ITFG1: variants seen among roughly 807,000 people sequenced by gnomAD.
The protein encoded by ITFG1 is T-cell immunomodulatory protein.
Under a neutral mutation model 81.8 loss-of-function variants are expected in ITFG1, and 34 were observed. That is an observed-to-expected ratio of 0.42 (90% confidence interval 0.32 to 0.55). The LOEUF (loss-of-function observed/expected upper bound fraction) is 0.55. ITFG1 is among the 20% of genes least tolerant of loss of function. The pLI is 0.17. For missense variants in ITFG1, 672 were observed against 755.4 expected, an observed-to-expected ratio of 0.89 and a Z score of 1.29; for synonymous variants, 285 against 270.6, an observed-to-expected ratio of 1.05 and a Z score of -0.52.
At chr16:47,198,075 T>C (rs1293410403) in intron 14 of ITFG1, among the ~76,000 whole-genome samples, 1 of 152,198 alleles carries the variant, frequency 6.6e-6, no homozygotes, top group African/African-American at 2.4e-5. Flanking sequence ...GAAAACAAAA[T>C]ATTGGTTCTG....
chr16:47,176,962 T>G (rs1047725616), intron 14 of ITFG1, among the ~76,000 whole-genome samples: 5 of 151,472 alleles, frequency 3.3e-5, no homozygotes, highest in Admixed American at 6.6e-5. Flanking sequence ...TCTTTTTTTT[T>G]TTTTTTTTTA....
chr16:47,162,698 A>T, intron 14 of ITFG1, 34 bp from the exon 15 acceptor site: 1 of 1,554,680 alleles, frequency 6.4e-7, no homozygotes. Flanking sequence ...AATTAAAAAC[A>T]TCTCTGGAAA....
intron 14 of ITFG1, among the ~76,000 whole-genome samples, chr16:47,184,002 GGAGCCGATGC>G: frequency 6.6e-6 from 1 of 152,316 alleles, no homozygotes; most frequent in East Asian, 1.9e-4. Flanking sequence ...AGAAGCCTCA[GGAGCCGATGC>G]GATCAACTGG....
At chr16:47,279,144 G>C (rs1289254282) in intron 10 of ITFG1, among the ~76,000 whole-genome samples, 1 of 152,076 alleles carries the variant, frequency 6.6e-6, no homozygotes, top group Non-Finnish European at 1.5e-5. Context: ...TTTGATAAAG[G>C]TCAACTTATC....
At chr16:47,396,293 A>G (rs1323327703) in intron 6 of ITFG1, 1 of 271,386 alleles carries the variant, frequency 3.7e-6, no homozygotes, top group Non-Finnish European at 5.6e-6. Context: ...CTCCAATGGG[A>G]GCAAAAGGGA....
At chr16:47,293,030 A>C (rs774476615) in intron 10 of ITFG1, among the ~76,000 whole-genome samples, 20 of 148,682 alleles carry the variant, frequency 1.3e-4, no homozygotes, top group African/African-American at 1.5e-4. Context: ...CTCTCTCTAT[A>C]TATATATGAT....
At chr16:47,427,439 C>T (rs1052247804) in intron 6 of ITFG1, among the ~76,000 whole-genome samples, 1 of 152,068 alleles carries the variant, frequency 6.6e-6, no homozygotes, top group Non-Finnish European at 1.5e-5. Flanking sequence ...GGTGAATTGC[C>T]TGAGCTCTGG....
intron 6 of ITFG1, among the ~76,000 whole-genome samples, chr16:47,426,859 A>G (rs1307472785): frequency 6.6e-6 from 1 of 152,198 alleles, no homozygotes; most frequent in Non-Finnish European, 1.5e-5. Context: ...ACTTTTAAAG[A>G]AAATAAGTTT....
At chr16:47,453,465 T>C (rs1490965844) in intron 3 of ITFG1, among the ~76,000 whole-genome samples, 1 of 152,208 alleles carries the variant, frequency 6.6e-6, no homozygotes, top group East Asian at 1.9e-4. Flanking sequence ...TCTGAGATGC[T>C]GAATAAAAGT....
At chr16:47,358,987 G>T (rs1968075372) in intron 8 of ITFG1, among the ~76,000 whole-genome samples, 1 of 152,062 alleles carries the variant, frequency 6.6e-6, no homozygotes, top group Non-Finnish European at 1.5e-5. Flanking sequence ...AAATAGAGTG[G>T]TCAGGGAAGG....
intron 12 of ITFG1, among the ~76,000 whole-genome samples, chr16:47,244,196 T>C (rs2151536203): frequency 6.6e-6 from 1 of 152,346 alleles, no homozygotes; most frequent in Middle Eastern, 3.4e-3. Context: ...ATACCTTTTA[T>C]AATAAGCAGG....
intron 10 of ITFG1, among the ~76,000 whole-genome samples, chr16:47,264,640 G>A (rs993808929): frequency 1.3e-5 from 2 of 151,216 alleles, no homozygotes; most frequent in Non-Finnish European, 2.9e-5. Flanking sequence ...AGAAATTCCA[G>A]ATGACAGTCA....
At chr16:47,289,036 TA>T (rs1567446922) in intron 10 of ITFG1, among the ~76,000 whole-genome samples, 2 of 152,228 alleles carry the variant, frequency 1.3e-5, no homozygotes, top group African/African-American at 4.8e-5. Context: ...CTTCTGTACC[TA>T]AATTATTGAG....
At chr16:47,421,270 G>GCACACACACACACACACA (rs58232411) in intron 6 of ITFG1, among the ~76,000 whole-genome samples, 2 of 129,956 alleles carry the variant, frequency 1.5e-5, no homozygotes, top group African/African-American at 5.7e-5. Flanking sequence ...ACATACATAT[G>GCACACACACACACACACA]CACACACACA....
intron 3 of ITFG1, among the ~76,000 whole-genome samples, chr16:47,453,556 G>A (rs992885532): frequency 3.1e-4 from 47 of 152,198 alleles, no homozygotes; most frequent in African/African-American, 1.0e-3. Context: ...TTCTATCTGT[G>A]TCTGCTCACT....
intron 14 of ITFG1, among the ~76,000 whole-genome samples, chr16:47,185,752 C>G (rs1289940069): frequency 6.6e-6 from 1 of 152,058 alleles, no homozygotes; most frequent in Non-Finnish European, 1.5e-5. Flanking sequence ...TAAGAAATAA[C>G]TAAAATCAGA....
chr16:47,232,766 C>T (rs544668511), intron 13 of ITFG1, among the ~76,000 whole-genome samples: 13 of 151,948 alleles, frequency 8.6e-5, no homozygotes, highest in East Asian at 1.9e-4. Context: ...CTCAGCCTCC[C>T]GGGTAGCTCG....
intron 14 of ITFG1, among the ~76,000 whole-genome samples, chr16:47,167,439 T>C (rs1178274250): frequency 1.3e-5 from 2 of 152,154 alleles, no homozygotes; most frequent in Non-Finnish European, 2.9e-5. Flanking sequence ...CTGGTGATAT[T>C]CCACCACAAA....
chr16:47,402,966 C>T (rs910982802), intron 6 of ITFG1, among the ~76,000 whole-genome samples: 1 of 151,948 alleles, frequency 6.6e-6, no homozygotes, highest in African/African-American at 2.4e-5. Context: ...ATATACTGCA[C>T]TATTATAATA....
Sources: allele counts gnomAD v4.1 joint callset (sites outside exome capture counted in the v4.1 genomes callset), GRCh38; gene constraint gnomAD v4.1.1; transcripts MANE v1.5; gene names NCBI Gene and HGNC (gene_info 2026-07-23, HGNC 2026-07-21).